CDH12: variants seen among roughly 807,000 people sequenced by gnomAD.
CDH12 encodes the protein cadherin-12.
Under a neutral mutation model 74.1 loss-of-function variants are expected in CDH12, and 41 were observed. That is an observed-to-expected ratio of 0.55 (90% CI 0.43 to 0.72). The LOEUF (loss-of-function observed/expected upper bound fraction) is 0.72, where lower values mean the gene tolerates loss of function less well. Among genes scored for constraint, CDH12 ranks in the 30% least tolerant of loss-of-function variants. The probability of loss-of-function intolerance (pLI) is 0.00; values close to 1 mark genes in which losing one functional copy is unlikely to be tolerated. For missense variants in CDH12, 945 were observed against 977.2 expected, an observed-to-expected ratio of 0.97 and a Z score of 0.44; for synonymous variants, 399 against 355.0, an observed-to-expected ratio of 1.12 and a Z score of -1.39.
chr5:22,228,418 T>G (rs1263499003), intron 3 of CDH12, among the ~76,000 whole-genome samples: 1 of 152,128 alleles, frequency 6.6e-6, no homozygotes, highest in African/African-American at 2.4e-5. Context: ...TTTGCATAAT[T>G]TTTTTGTAAC....
At chr5:22,108,746 T>C (rs931275804) in intron 4 of CDH12, among the ~76,000 whole-genome samples, 5 of 152,188 alleles carry the variant, frequency 3.3e-5, no homozygotes, top group African/African-American at 1.2e-4. Context: ...TCCTGAGTGA[T>C]AACACAGATG....
intron 1 of CDH12, among the ~76,000 whole-genome samples, chr5:22,703,961 G>C (rs905910563): frequency 6.6e-6 from 1 of 152,100 alleles, no homozygotes; most frequent in African/African-American, 2.4e-5. Flanking sequence ...TGGAGTGACT[G>C]TGCCATGTAA....
rs1561129367 is a variant in CDH12 at position 22,117,525 on chromosome 5, T to TATATATATATA, written c.-186-38674_-186-38664dup. ...TAATATATATATAATATATATATAA[T>TATATATATATA]ATATATATATATATATAGTGTGTGC... On this transcript the variant is annotated intron_variant, in intron 4 of 14. Transcript: ENST00000382254. 3.5e-3 allele frequency among the ~76,000 whole-genome samples: 186 copies of TATATATATATA among 53,866 alleles called. 4 individuals are homozygous for TATATATATATA. Among genetic ancestry groups the TATATATATATA allele is most frequent in the East Asian group, 4.8e-3 (8 of 1,668 alleles). The allele number at this position is 53,866 out of a possible 152,430, so 35.3% of individuals were successfully genotyped here. A position where few individuals can be genotyped will look rare whatever the true frequency, so the allele number is the denominator to read the frequency against.
intron 2 of CDH12, among the ~76,000 whole-genome samples, chr5:22,462,135 T>C (rs932523990): frequency 2.0e-5 from 3 of 152,122 alleles, no homozygotes; most frequent in Admixed American, 2.0e-4. Context: ...GAATAAAGAA[T>C]TTCTTAGAGA....
At chr5:22,844,158 G>T (rs1178880573) in intron 1 of CDH12, among the ~76,000 whole-genome samples, 1 of 151,988 alleles carries the variant, frequency 6.6e-6, no homozygotes, top group Non-Finnish European at 1.5e-5. Context: ...CAAGAAAATT[G>T]ACTGAAATTT....
At chr5:22,143,427 T>G (rs1180687694) in intron 4 of CDH12, 2 of 148,048 alleles carry the variant, frequency 1.4e-5, no homozygotes, top group Non-Finnish European at 3.0e-5. Context: ...TGGAGTGCAA[T>G]GGCACGATCT....
intron 3 of CDH12, among the ~76,000 whole-genome samples, chr5:22,400,734 T>C (rs1262554843): frequency 6.6e-6 from 1 of 152,096 alleles, no homozygotes; most frequent in Non-Finnish European, 1.5e-5. Context: ...GGTATAGCTT[T>C]GCAAAAAAAA....
At chr5:22,329,352 A>C (rs1739252500) in intron 3 of CDH12, among the ~76,000 whole-genome samples, 1 of 152,196 alleles carries the variant, frequency 6.6e-6, no homozygotes, top group South Asian at 2.1e-4. Flanking sequence ...GAAAGTAAAA[A>C]GCTACAATGC....
chr5:21,939,426 G>T (rs1379408961), intron 6 of CDH12, among the ~76,000 whole-genome samples: 1 of 151,374 alleles, frequency 6.6e-6, no homozygotes, highest in Non-Finnish European at 1.5e-5. Context: ...TTTTAATAAA[G>T]GTTTTACATA....
At chr5:21,884,566 A>G (rs1752530168) in intron 6 of CDH12, among the ~76,000 whole-genome samples, 1 of 152,206 alleles carries the variant, frequency 6.6e-6, no homozygotes, top group African/African-American at 2.4e-5. Flanking sequence ...TACTGGGTAC[A>G]AGAGCCATGT....
chr5:22,064,582 C>T (rs1355489671), intron 5 of CDH12, among the ~76,000 whole-genome samples: 1 of 152,140 alleles, frequency 6.6e-6, no homozygotes, highest in East Asian at 1.9e-4. Context: ...TAGAATATCA[C>T]TACTGGATTC....
At chr5:21,948,085 G>A (rs577217287) in intron 6 of CDH12, among the ~76,000 whole-genome samples, 188 of 152,326 alleles carry the variant, frequency 1.2e-3, no homozygotes, top group African/African-American at 4.4e-3. Flanking sequence ...GGATGTCCAG[G>A]CCGAGATTGG....
At chr5:21,872,600 C>A (rs149223727) in intron 6 of CDH12, among the ~76,000 whole-genome samples, 1 of 152,010 alleles carries the variant, frequency 6.6e-6, no homozygotes, top group Non-Finnish European at 1.5e-5. Context: ...ATTCAGTAAG[C>A]TTTGTATTTT....
chr5:21,863,236 C>G (rs1751147034), intron 6 of CDH12, among the ~76,000 whole-genome samples: 1 of 152,064 alleles, frequency 6.6e-6, no homozygotes, highest in Non-Finnish European at 1.5e-5. Flanking sequence ...TGATGAGGCT[C>G]TTTCATGCCT....
intron 3 of CDH12, among the ~76,000 whole-genome samples, chr5:22,266,224 C>T (rs1736096982): frequency 6.6e-6 from 1 of 151,978 alleles, no homozygotes; most frequent in African/African-American, 2.4e-5. Context: ...AACAGGCACT[C>T]ACCACCACGA....
chr5:22,781,971 C>G (rs2126350521), intron 1 of CDH12, among the ~76,000 whole-genome samples: 1 of 152,230 alleles, frequency 6.6e-6, no homozygotes, highest in South Asian at 2.1e-4. Flanking sequence ...TACATGGGGA[C>G]TGTGGCCCCT....
intron 5 of CDH12, among the ~76,000 whole-genome samples, chr5:22,053,000 T>G (rs1014094035): frequency 2.0e-5 from 3 of 152,012 alleles, no homozygotes; most frequent in African/African-American, 7.2e-5. Context: ...GTTTTATCTC[T>G]AATACACTTA....
At chr5:22,509,730 C>A (rs928833505) in intron 1 of CDH12, among the ~76,000 whole-genome samples, 2 of 152,108 alleles carry the variant, frequency 1.3e-5, no homozygotes, top group African/African-American at 4.8e-5. Flanking sequence ...ACACAAAAAT[C>A]TTCTGTCCAC....
At chr5:22,761,494 G>A (rs1746226416) in intron 1 of CDH12, among the ~76,000 whole-genome samples, 2 of 152,086 alleles carry the variant, frequency 1.3e-5, no homozygotes, top group African/African-American at 4.8e-5. Context: ...AATATTAAGT[G>A]CTACAGGCCC....
Sources: gnomAD v4.1 joint callset for allele counts (sites outside exome capture counted in the v4.1 genomes callset) on GRCh38, gnomAD v4.1.1 for gene constraint, MANE v1.5 for transcripts, NCBI Gene and HGNC (gene_info 2026-07-23, HGNC 2026-07-21) for gene names.